Variants in GAP43 observed in about 807,000 individuals in gnomAD.
GAP43 encodes the protein neuromodulin.
A neutral mutation model predicts 18.6 loss-of-function variants in GAP43; 6 were observed. The observed-to-expected ratio is 0.32, with a 90% CI of 0.18 to 0.64. The LOEUF is 0.64. Among genes scored for constraint, GAP43 ranks in the 30% least tolerant of loss-of-function variants. GAP43 has a pLI of 0.78. For missense variants in GAP43, 292 were observed against 295.5 expected (o/e 0.99, Z 0.09); for synonymous variants, 115 against 111.4 (o/e 1.03, Z -0.20).
At chr3:115,676,725 A>G (rs1708895544) in intron 2 of GAP43, 115 bp downstream of exon 2, 7 of 1,129,754 alleles carry the variant, frequency 6.2e-6, no homozygotes, top group African/African-American at 3.1e-5. Context: ...GATGTTTTCC[A>G]GAAATCAAGG....
intron 1 of GAP43, among the ~76,000 whole-genome samples, chr3:115,635,003 G>A: frequency 6.6e-6 from 1 of 151,968 alleles, no homozygotes; most frequent in African/African-American, 2.4e-5. Flanking sequence ...GAGATGGGAA[G>A]GAATAAGAGA....
At chr3:115,671,695 C>T (rs563992111) in intron 1 of GAP43, among the ~76,000 whole-genome samples, 1 of 152,298 alleles carries the variant, frequency 6.6e-6, no homozygotes, top group East Asian at 1.9e-4. Context: ...GAAATTCCCT[C>T]AGAAACATTA....
At chr3:115,707,813 T>A (rs1229115233) in intron 2 of GAP43, among the ~76,000 whole-genome samples, 1 of 152,136 alleles carries the variant, frequency 6.6e-6, no homozygotes, top group Non-Finnish European at 1.5e-5. Context: ...TGAAACAGAA[T>A]AGCATTGGGG....
intron 2 of GAP43, among the ~76,000 whole-genome samples, chr3:115,689,279 C>T (rs1394487607): frequency 6.6e-6 from 1 of 152,198 alleles, no homozygotes. Context: ...TCTGTGTCGT[C>T]CTCAGTTTCT....
chr3:115,653,153 T>G (rs185388478), intron 1 of GAP43, among the ~76,000 whole-genome samples: 2 of 152,110 alleles, frequency 1.3e-5, no homozygotes, highest in Non-Finnish European at 2.9e-5. Flanking sequence ...AAATATGAGG[T>G]ACTGGGCTAG....
chr3:115,688,777 A>G (rs1576994756), intron 2 of GAP43, among the ~76,000 whole-genome samples: 2 of 152,324 alleles, frequency 1.3e-5, no homozygotes, highest in South Asian at 2.1e-4. Flanking sequence ...CTCCTTATAA[A>G]TTCAAGTAGA....
intron 2 of GAP43, among the ~76,000 whole-genome samples, chr3:115,688,266 A>C (rs1484973618): frequency 6.6e-6 from 1 of 151,932 alleles, no homozygotes; most frequent in African/African-American, 2.4e-5. Flanking sequence ...TGATCCACCC[A>C]CCTCGGCCTC....
intron 2 of GAP43, among the ~76,000 whole-genome samples, chr3:115,686,458 G>T (rs1312431592): frequency 6.6e-6 from 1 of 152,098 alleles, no homozygotes; most frequent in African/African-American, 2.4e-5. Context: ...GAAGGAATTT[G>T]TACATTGTCC....
At chr3:115,708,550 C>A (rs552972215) in intron 2 of GAP43, among the ~76,000 whole-genome samples, 1 of 152,130 alleles carries the variant, frequency 6.6e-6, no homozygotes, top group Non-Finnish European at 1.5e-5. Flanking sequence ...GAGGAAGATA[C>A]CAGGCAAAGA....
At chr3:115,710,544 G>GT (rs1709421174) in intron 2 of GAP43, among the ~76,000 whole-genome samples, 2 of 152,020 alleles carry the variant, frequency 1.3e-5, no homozygotes, top group Non-Finnish European at 2.9e-5. Flanking sequence ...GCTTATTCCA[G>GT]TTTTTGTTTT....
At chr3:115,675,972 G>A (rs772659276) in intron 1 of GAP43, 41 bp from the exon 2 acceptor site, 2 of 1,548,580 alleles carry the variant, frequency 1.3e-6, no homozygotes, top group African/African-American at 1.4e-5. Flanking sequence ...GGAGAAGAAT[G>A]TCATTGAAGC....
At position 115,715,938 on chromosome 3, in the gene GAP43, C is replaced by T. The variant is rs80339541; in HGVS notation, c.629-4856C>T. 4.0e-3 allele frequency among the ~76,000 whole-genome samples: 610 copies of T among 152,266 alleles called. 6 individuals are homozygous for T. Among genetic ancestry groups the T allele is most frequent in the Middle Eastern group, 0.01 (3 of 294 alleles). On this transcript the variant is annotated intron_variant, in intron 2 of 2. Transcript: ENST00000305124. ...CGTTGGAATTTACAGTGTGGCCTTA[C>T]GTAAACCATTCAGTCTCCCTGTGTT... is the stretch of plus-strand genomic sequence containing the variant.
chr3:115,678,228 C>A (rs980736399), intron 2 of GAP43, among the ~76,000 whole-genome samples: 1 of 152,180 alleles, frequency 6.6e-6, no homozygotes, highest in African/African-American at 2.4e-5. Context: ...CTTTGCATAT[C>A]CACAAGTTAC....
At chr3:115,635,265 C>T (rs764261870) in intron 1 of GAP43, among the ~76,000 whole-genome samples, 154 of 152,118 alleles carry the variant, frequency 1.0e-3, no homozygotes, top group Non-Finnish European at 1.4e-3. Flanking sequence ...AAGTCTTTCA[C>T]GATAATCCTC....
intron 1 of GAP43, among the ~76,000 whole-genome samples, chr3:115,624,852 T>G (rs1576973067): frequency 8.4e-6 from 1 of 119,082 alleles, no homozygotes; most frequent in African/African-American, 3.4e-5. Context: ...AAGAGAAAAA[T>G]GGGTGTGGGA....
intron 1 of GAP43, among the ~76,000 whole-genome samples, chr3:115,666,931 A>G (rs1261859733): frequency 6.6e-6 from 1 of 152,092 alleles, no homozygotes; most frequent in African/African-American, 2.4e-5. Flanking sequence ...AATACTAAAT[A>G]TATATACTGT....
chr3:115,690,354 T>C (rs568560347), intron 2 of GAP43, among the ~76,000 whole-genome samples: 3 of 152,146 alleles, frequency 2.0e-5, no homozygotes, highest in South Asian at 2.1e-4. Flanking sequence ...AGTTTCATAA[T>C]CTCACAATTT....
chr3:115,632,411 G>A (rs1429799933), intron 1 of GAP43, among the ~76,000 whole-genome samples: 1 of 152,132 alleles, frequency 6.6e-6, no homozygotes, highest in Non-Finnish European at 1.5e-5. Context: ...TGATTAGAGA[G>A]GTGATATGTA....
At chr3:115,636,764 C>T in intron 1 of GAP43, among the ~76,000 whole-genome samples, 1 of 152,018 alleles carries the variant, frequency 6.6e-6, no homozygotes, top group South Asian at 2.1e-4. Flanking sequence ...TTACCAATTT[C>T]CTATTCTTGT....
Sources: gnomAD v4.1 joint callset for allele counts (sites outside exome capture counted in the v4.1 genomes callset) on GRCh38, gnomAD v4.1.1 for gene constraint, MANE v1.5 for transcripts, NCBI Gene and HGNC (gene_info 2026-07-23, HGNC 2026-07-21) for gene names.